CCDC102B: variants seen among roughly 807,000 people sequenced by gnomAD.
CCDC102B encodes coiled-coil domain-containing protein 102B.
A neutral mutation model predicts 57.4 loss-of-function variants in CCDC102B; 75 were observed. The observed-to-expected ratio is 1.31, with a 90% CI of 1.08 to 1.58. The LOEUF is 1.58. CCDC102B is among the 40% of genes most tolerant of loss of function. CCDC102B has a pLI of 0.00. For synonymous variants in CCDC102B, 206 were observed against 201.9 expected, an observed-to-expected ratio of 1.02 and a Z score of -0.17; for missense variants, 636 against 582.6, an observed-to-expected ratio of 1.09 and a Z score of -0.94.
chr18:68,722,072 C>G (rs569747382), intron 2 of CCDC102B, among the ~76,000 whole-genome samples: 8 of 152,304 alleles, frequency 5.3e-5, no homozygotes, highest in Non-Finnish European at 7.4e-5. Flanking sequence ...TACAGGGTTA[C>G]AAGCCTTGCC....
At chr18:69,026,236 C>A (rs1443149627) in intron 7 of CCDC102B, among the ~76,000 whole-genome samples, 1 of 152,018 alleles carries the variant, frequency 6.6e-6, no homozygotes, top group Non-Finnish European at 1.5e-5. Flanking sequence ...AAGGCCTTGG[C>A]GGGTGGATCA....
At chr18:68,741,190 T>A (rs9955865) in intron 2 of CCDC102B, among the ~76,000 whole-genome samples, 1 of 152,252 alleles carries the variant, frequency 6.6e-6, no homozygotes, top group East Asian at 1.9e-4. Context: ...GCAGCTTTAC[T>A]TGCAGATGTT....
intron 2 of CCDC102B, among the ~76,000 whole-genome samples, chr18:68,719,103 T>G (rs1207717406): frequency 1.3e-5 from 2 of 152,098 alleles, no homozygotes; most frequent in Non-Finnish European, 2.9e-5. Context: ...AAAGCAAAAC[T>G]TGTTCAAAAA....
intron 1 of CCDC102B, among the ~76,000 whole-genome samples, chr18:68,802,874 A>G (rs1167467874): frequency 6.6e-6 from 1 of 152,212 alleles, no homozygotes; most frequent in Non-Finnish European, 1.5e-5. Context: ...TATCTCTGAA[A>G]GGGATACATG....
chr18:68,797,508 G>C (rs2035672961), upstream of CCDC102B, among the ~76,000 whole-genome samples: 1 of 152,018 alleles, frequency 6.6e-6, no homozygotes, highest in Admixed American at 6.6e-5. Context: ...CCCAGGGAAA[G>C]GGGCCAGAGA....
At chr18:68,791,716 G>A (rs2035468821) in intron 2 of CCDC102B, among the ~76,000 whole-genome samples, 1 of 151,576 alleles carries the variant, frequency 6.6e-6, no homozygotes, top group South Asian at 2.1e-4. Context: ...CTAATTTCCT[G>A]ACTATATATA....
chr18:68,945,764 T>C (rs1032823957), intron 6 of CCDC102B, among the ~76,000 whole-genome samples: 19 of 152,046 alleles, frequency 1.2e-4, no homozygotes, highest in African/African-American at 4.6e-4. Flanking sequence ...ATAGGATCCT[T>C]AAAGAACTGT....
intron 6 of CCDC102B, among the ~76,000 whole-genome samples, chr18:69,006,372 A>C (rs1366588827): frequency 6.6e-6 from 1 of 151,810 alleles, no homozygotes; most frequent in Non-Finnish European, 1.5e-5. Flanking sequence ...AATGGATGGT[A>C]GCAAAGGCCA....
intron 1 of CCDC102B, among the ~76,000 whole-genome samples, chr18:68,809,875 A>G (rs1261684133): frequency 6.6e-6 from 1 of 152,222 alleles, no homozygotes; most frequent in African/African-American, 2.4e-5. Context: ...TAAAATGGTC[A>G]TTAAAATACA....
intron 6 of CCDC102B, among the ~76,000 whole-genome samples, chr18:68,917,525 C>G (rs184560155): frequency 2.0e-5 from 3 of 152,318 alleles, no homozygotes; most frequent in African/African-American, 7.2e-5. Context: ...ATAGCTGTAC[C>G]TTACATCCTG....
rs2040943353 is a variant in CCDC102B, at chr18:68,913,336, G to GTGTGTGTGTGTGTA, written c.1263+15916_1263+15917insTGTGTATGTGTGTG. On this transcript the variant is annotated intron_variant, in intron 6 of 7. Transcript: ENST00000360242. The stretch of plus-strand genomic sequence containing the variant: ...TGTGTGTGTGTGTGTGTGTGTGTGT[G>GTGTGTGTGTGTGTA]TGTGTGTGGTCCTACTTTAAGAAAA... Among the ~76,000 whole-genome samples the GTGTGTGTGTGTGTA allele has an allele frequency of 2.6e-5, 4 of 151,842 alleles. 1 individual carries two copies. In the South Asian group the frequency reaches 8.3e-4, roughly 32 times the overall value.
chr18:69,022,018 C>T (rs909395569), intron 7 of CCDC102B, among the ~76,000 whole-genome samples: 3 of 151,978 alleles, frequency 2.0e-5, no homozygotes, highest in Admixed American at 1.3e-4. Context: ...ACCCATCAAG[C>T]GAGGCTTATT....
At chr18:68,931,624 A>C (rs1008036811) in intron 6 of CCDC102B, among the ~76,000 whole-genome samples, 1 of 151,980 alleles carries the variant, frequency 6.6e-6, no homozygotes, top group East Asian at 1.9e-4. Flanking sequence ...ACAAATGTCT[A>C]AAAAGGCTCC....
chr18:69,031,979 T>A (rs887720425), intron 7 of CCDC102B, among the ~76,000 whole-genome samples: 8 of 152,160 alleles, frequency 5.3e-5, no homozygotes, highest in Admixed American at 4.6e-4. Context: ...TTTTTACATT[T>A]TTTTTTCTTT....
At chr18:68,790,871 TTG>T (rs1384959309) in intron 2 of CCDC102B, among the ~76,000 whole-genome samples, 11 of 152,122 alleles carry the variant, frequency 7.2e-5, no homozygotes, top group African/African-American at 2.7e-4. Context: ...GTAACTTTTA[TTG>T]TGTTTTGTTT....
intron 2 of CCDC102B, among the ~76,000 whole-genome samples, chr18:68,739,967 A>G (rs1322607180): frequency 6.6e-6 from 1 of 152,210 alleles, no homozygotes; most frequent in Non-Finnish European, 1.5e-5. Flanking sequence ...AGTATGACAT[A>G]TGTTGAATTA....
rs139377520 is a variant in CCDC102B at position 69,014,978 on chromosome 18, A to AGAGAGTGTGTGTGTGTGTGTGTGTGTGT, written c.1434+3875_1434+3876insAGAGTGTGTGTGTGTGTGTGTGTGTGTG. Among the ~76,000 whole-genome samples the AGAGAGTGTGTGTGTGTGTGTGTGTGTGT allele has an allele frequency of 1.6e-4, 23 of 139,428 alleles. No homozygotes were observed. In the East Asian group the frequency reaches 3.4e-3, roughly 20 times the overall value. The allele number at this position is 139,428 out of a possible 152,430, so 91.5% of individuals were successfully genotyped here. A position where few individuals can be genotyped will look rare whatever the true frequency, so the allele number is the denominator to read the frequency against. ...GTGAATGAGAGAGAGAGAGAGAGAG[A>AGAGAGTGTGTGTGTGTGTGTGTGTGTGT]GTGTGTGTGTGTGTGTGTGTGTGTG... On this transcript the variant is annotated intron_variant, in intron 7 of 7. Transcript: ENST00000360242.
chr18:68,878,840 G>A (rs996336865), intron 5 of CCDC102B, among the ~76,000 whole-genome samples: 4 of 152,156 alleles, frequency 2.6e-5, no homozygotes, highest in African/African-American at 9.7e-5. Context: ...AACTAGTGGC[G>A]GTGTGTCCGG....
intron 1 of CCDC102B, among the ~76,000 whole-genome samples, chr18:68,832,863 C>A (rs527794595): frequency 6.6e-6 from 1 of 151,968 alleles, no homozygotes; most frequent in African/African-American, 2.4e-5. Flanking sequence ...ATGGACACAT[C>A]CAGGTAGCCG....
Sources: allele counts gnomAD v4.1 joint callset (sites outside exome capture counted in the v4.1 genomes callset), GRCh38; gene constraint gnomAD v4.1.1; transcripts MANE v1.5; gene names NCBI Gene and HGNC (gene_info 2026-07-23, HGNC 2026-07-21).